TENM4: variants seen among roughly 807,000 people sequenced by gnomAD.
TENM4 encodes teneurin transmembrane protein 4.
In TENM4, 82 loss-of-function variants were observed where a neutral mutation model predicts 243.3. That is an observed-to-expected ratio of 0.34 (90% CI 0.28 to 0.40). TENM4 has a LOEUF of 0.40. Among genes scored for constraint, TENM4 ranks in the 10% least tolerant of loss-of-function variants. The pLI is 1.00. For missense variants in TENM4, 3,138 were observed against 3,673.3 expected (o/e 0.85, Z 3.77); for synonymous variants, 1,412 against 1,456.3 (o/e 0.97, Z 0.69).
chr11:79,180,947 T>C (rs1354251471), intron 3 of TENM4, among the ~76,000 whole-genome samples: 5 of 145,648 alleles, frequency 3.4e-5, no homozygotes, highest in Middle Eastern at 3.6e-3. Flanking sequence ...GTATTAATCA[T>C]TAATAATCTT....
At chr11:79,228,646 GA>G (rs139884843) in intron 2 of TENM4, among the ~76,000 whole-genome samples, 6,948 of 145,720 alleles carry the variant, frequency 0.048, 553 homozygotes, top group African/African-American at 0.16. Flanking sequence ...TTCTGGAGAC[GA>G]AAAAAAAAAC....
intron 14 of TENM4, among the ~76,000 whole-genome samples, chr11:78,805,751 T>C (rs994091213): frequency 1.3e-5 from 2 of 152,194 alleles, no homozygotes; most frequent in Non-Finnish European, 2.9e-5. Flanking sequence ...TAGCACTTCA[T>C]GTCTACTAGA....
At position 78,880,121 on chromosome 11, in the gene TENM4, C is replaced by G. The variant is rs556626590; in HGVS notation, c.1084+9664G>C. Among the ~76,000 whole-genome samples, 190 of 152,326 alleles carry G rather than the reference C, an allele frequency of 1.2e-3. 3 individuals are homozygous for G. The highest frequency in any genetic ancestry group is 2.5e-3 in the Admixed American group (38 of 15,308). On this transcript the variant is annotated intron_variant, in intron 9 of 33. Coordinates refer to ENST00000278550, the MANE Select transcript of TENM4 (RefSeq NM_001098816.3). ...TTGTTCTGTACTAAGAAAAATTCTT[C>G]TACCTTGGGATGCTGTTAATCTATA...
chr11:78,958,384 C>T (rs538453128), intron 6 of TENM4, among the ~76,000 whole-genome samples: 3 of 152,212 alleles, frequency 2.0e-5, no homozygotes, highest in Non-Finnish European at 2.9e-5. Flanking sequence ...GGGACGAATA[C>T]CTACTTAATC....
chr11:78,795,355 G>A (rs1281956879), intron 15 of TENM4, among the ~76,000 whole-genome samples: 2 of 152,158 alleles, frequency 1.3e-5, no homozygotes, highest in Admixed American at 6.5e-5. Flanking sequence ...CAGTGGTACA[G>A]GACAGAGTGC....
intron 1 of TENM4, among the ~76,000 whole-genome samples, chr11:79,373,991 G>A (rs1454884805): frequency 2.6e-5 from 4 of 152,188 alleles, no homozygotes; most frequent in Admixed American, 6.5e-5. Context: ...CAGGAAAGCA[G>A]GTAGGAGAGG....
intron 3 of TENM4, among the ~76,000 whole-genome samples, chr11:79,176,791 A>G (rs375482752): frequency 6.6e-6 from 1 of 152,256 alleles, no homozygotes; most frequent in Non-Finnish European, 1.5e-5. Flanking sequence ...TATTTAGCAC[A>G]TGTAAATACA....
At chr11:78,702,954 T>TG (rs1859145274) in intron 27 of TENM4, among the ~76,000 whole-genome samples, 1 of 150,720 alleles carries the variant, frequency 6.6e-6, no homozygotes, top group African/African-American at 2.4e-5. Context: ...ATTTCTCAAT[T>TG]CTTTGAGTTC....
intron 1 of TENM4, among the ~76,000 whole-genome samples, chr11:79,334,832 T>TA (rs1857122286): frequency 6.6e-6 from 1 of 152,220 alleles, no homozygotes; most frequent in African/African-American, 2.4e-5. Flanking sequence ...TTTCTTATTC[T>TA]ATAACAGAAC....
At chr11:79,256,953 G>T (rs1355557917) in intron 2 of TENM4, among the ~76,000 whole-genome samples, 2 of 152,212 alleles carry the variant, frequency 1.3e-5, no homozygotes, top group Admixed American at 6.5e-5. Flanking sequence ...TCCTCATCTA[G>T]TCAGGATCAG....
intron 2 of TENM4, among the ~76,000 whole-genome samples, chr11:79,286,669 C>A (rs1856259082): frequency 6.7e-6 from 1 of 149,626 alleles, no homozygotes; most frequent in African/African-American, 2.5e-5. Flanking sequence ...AACTCCGTCT[C>A]AAAAAAAAAA....
intron 2 of TENM4, among the ~76,000 whole-genome samples, chr11:79,228,055 C>A (rs1864304433): frequency 1.3e-5 from 2 of 152,132 alleles, no homozygotes; most frequent in Non-Finnish European, 2.9e-5. Flanking sequence ...AGAGACAGGG[C>A]ATCCTTTGTC....
At chr11:79,241,153 T>G (rs1311598635) in intron 2 of TENM4, among the ~76,000 whole-genome samples, 1 of 151,570 alleles carries the variant, frequency 6.6e-6, no homozygotes, top group East Asian at 1.9e-4. Flanking sequence ...AATACCATGA[T>G]GAGTTTGTTT....
chr11:79,072,827 C>A (rs185499135), intron 4 of TENM4, among the ~76,000 whole-genome samples: 65 of 152,160 alleles, frequency 4.3e-4, no homozygotes, highest in African/African-American at 1.4e-3. Context: ...ATAAGTACTC[C>A]ATAATGTTAG....
At chr11:79,241,916 C>T (rs9666693) in intron 2 of TENM4, among the ~76,000 whole-genome samples, 63,998 of 151,906 alleles carry the variant, frequency 0.42, 13,710 homozygotes, top group East Asian at 0.65. Context: ...AGGTGGAATC[C>T]GGAACAGAGA....
intron 9 of TENM4, among the ~76,000 whole-genome samples, chr11:78,883,721 G>A (rs1855487033): frequency 6.6e-6 from 1 of 152,264 alleles, no homozygotes; most frequent in South Asian, 2.1e-4. Context: ...CACAAGGGAA[G>A]CTGTCAGTTT....
At chr11:79,289,658 A>G (rs1257620860) in intron 2 of TENM4, among the ~76,000 whole-genome samples, 6 of 152,224 alleles carry the variant, frequency 3.9e-5, no homozygotes, top group South Asian at 2.1e-4. Flanking sequence ...GCATGCTCCA[A>G]TAAACTTTCT....
At chr11:79,389,252 T>C (rs562858954) in intron 1 of TENM4, among the ~76,000 whole-genome samples, 7 of 152,244 alleles carry the variant, frequency 4.6e-5, no homozygotes, top group East Asian at 1.9e-4. Flanking sequence ...ACTTCCTGGG[T>C]TCAAGCCATC....
chr11:79,321,360 A>G (rs1856885511), intron 1 of TENM4, among the ~76,000 whole-genome samples: 1 of 152,186 alleles, frequency 6.6e-6, no homozygotes, highest in African/African-American at 2.4e-5. Flanking sequence ...AACGCTTCCC[A>G]AATTGCTGCT....
Sources: allele counts gnomAD v4.1 joint callset (sites outside exome capture counted in the v4.1 genomes callset), GRCh38; gene constraint gnomAD v4.1.1; transcripts MANE v1.5; gene names NCBI Gene and HGNC (gene_info 2026-07-23, HGNC 2026-07-21).